The following MAZ variants were observed in gnomAD, a reference collection of about 807,000 sequenced individuals.
MAZ encodes myc-associated zinc finger protein.
In MAZ, 4 loss-of-function variants were observed where a neutral mutation model predicts 32.7. The observed-to-expected ratio is 0.12, with a 90% CI of 0.06 to 0.28. The LOEUF (loss-of-function observed/expected upper bound fraction) is 0.28. MAZ is among the 10% of genes least tolerant of loss of function. MAZ has a pLI of 1.00. For synonymous variants in MAZ, 510 were observed against 297.6 expected (o/e 1.71, Z -7.35); for missense variants, 763 against 667.2 (o/e 1.14, Z -1.58).
rs373232993 is a variant in MAZ, at chr16:29,808,494, C to G, written c.1108-76C>G. The G allele has an allele frequency of 4.6e-6, 5 of 1,096,574 alleles. No individual in the cohort carries two copies. In the Admixed American group the frequency reaches 6.2e-5, roughly 14 times the overall value. The allele number at this position is 1,096,574 out of a possible 1,614,324, so 67.9% of individuals were successfully genotyped here. On this transcript the variant is annotated intron_variant, in intron 3 of 4. Coordinates refer to ENST00000322945, the MANE Select transcript of MAZ (RefSeq NM_002383.4). ...TCCCCAAGGCTCTGATTCCTTTAAT[C>G]TCTTGCTCCCCCCTCCCCAGCCCAC... is the stretch of plus-strand genomic sequence containing the variant.
chr16:29,810,335 A>G lies in MAZ; in HGVS notation c.*104A>G, dbSNP rs1899868988. On this transcript the variant is annotated 3_prime_UTR_variant, in exon 5 of 5. Transcript: ENST00000322945. ...ACCAACTCCTATTTCCCTACCAACC[A>G]AGGAGCCTCCAGAAGGAAAGGAGGA... 1 of 1,174,010 alleles carries G rather than the reference A, an allele frequency of 8.5e-7. No homozygotes were observed. Among genetic ancestry groups the G allele is most frequent in the East Asian group, 2.5e-5 (1 of 39,294 alleles). The allele number at this position is 1,174,010 out of a possible 1,614,324, so 72.7% of individuals were successfully genotyped here.
rs1424618344 is a variant in MAZ at position 29,808,202 on chromosome 16, C to T, written c.1044-28C>T. 17 of 1,608,400 alleles carry T rather than the reference C, an allele frequency of 1.1e-5. 1 individual carries two copies. The highest frequency in any genetic ancestry group is 1.6e-4 in the Middle Eastern group (1 of 6,068). ...TGGATTTGGGGCGCACCACCTCCGC[C>T]CTAACCCCAACCCCAACGTGTCCCC... On this transcript the variant is annotated intron_variant, in intron 2 of 4. Coordinates refer to ENST00000322945, the MANE Select transcript of MAZ (RefSeq NM_002383.4).
intron 4 of MAZ, 35 bp from the exon 5 acceptor site, chr16:29,810,042 A>G (rs767677100): frequency 2.5e-6 from 4 of 1,584,676 alleles, no homozygotes; most frequent in Non-Finnish European, 3.4e-6. Context: ...TGCCATTCAG[A>G]TCGCGCTGTG....
Position 29,808,285 on chromosome 16 carries a change from A to C in MAZ, c.1099A>C (p.Lys367Gln). The C allele has an allele frequency of 6.2e-7, 1 of 1,613,998 alleles. No homozygotes were observed. The highest frequency in any genetic ancestry group is 8.5e-7 in the Non-Finnish European group (1 of 1,179,946). ...AGTGCACTCAACAGAACGGCCCTTC[A>C]AATGTGAGGTAGGAAGCCCGCCTCC... ...RQVHSTERPF[K>Q]CEKCEAAFAT... The change falls in exon 3 of 5, where the codon AAA becomes CAA. Residue 367 changes from lysine to glutamine, a missense_variant. Physicochemically the swap from Lys to Gln is moderately conservative, Grantham distance 53. Coordinates refer to ENST00000322945, the MANE Select transcript of MAZ (RefSeq NM_002383.4).
Position 29,810,917 on chromosome 16 carries a change from G to A in MAZ, c.*686G>A, listed in dbSNP as rs1188730779. The A allele has an allele frequency of 5.7e-6, 2 of 349,756 alleles. No individual in the cohort carries two copies. Among genetic ancestry groups the A allele is most frequent in the Non-Finnish European group, 1.1e-5 (2 of 177,852 alleles). 21.7% of individuals were successfully genotyped at this position (349,756 alleles called of 1,614,324 possible). A position where few individuals can be genotyped will look rare whatever the true frequency, so the allele number is the denominator to read the frequency against. ...GCAGAGAAGAGATGGAGTCTTAGGGGCCAGGGTGAGCGAGGGGTCCAGGGC... is the reference window on the plus strand; with the variant it reads ...GCAGAGAAGAGATGGAGTCTTAGGGACCAGGGTGAGCGAGGGGTCCAGGGC... On this transcript the variant is annotated 3_prime_UTR_variant, in exon 5 of 5. Transcript: ENST00000322945.
At chr16:29,806,930 G>C (rs1393913882) in intron 1 of MAZ, 37 bp downstream of exon 1, 2 of 1,225,658 alleles carry the variant, frequency 1.6e-6, no homozygotes, top group African/African-American at 1.6e-5. Flanking sequence ...GGGCTGGGGG[G>C]GGACGCCCGC....
Position 29,810,171 on chromosome 16 carries a change from CCT to C in MAZ, c.1378_1379del (p.Ser460GlyfsTer71). 6.2e-7 allele frequency: 1 copy of C among 1,610,436 alleles called. No individual in the cohort carries two copies. The highest frequency in any genetic ancestry group is 8.5e-7 in the Non-Finnish European group (1 of 1,178,638). On this transcript the variant is annotated frameshift_variant, in exon 5 of 5. Transcript: ENST00000322945. LOFTEE classifies it high-confidence loss of function. ...VAAPPTAVGS[L>X]SGAEGVPVSS... ...CAGCCCCTCCCACAGCTGTGGGCTC[CCT>C]CTCGGGGGCGGAGGGGGTGCCTGTG...
At chr16:29,807,980 A>G in intron 2 of MAZ, 152 bp downstream of exon 2, 2 of 1,385,252 alleles carry the variant, frequency 1.4e-6, no homozygotes, top group Non-Finnish European at 9.6e-7. Flanking sequence ...TCTCCCGGTT[A>G]CCAGGGAGCA....
rs1899499845 is a variant in MAZ, at chr16:29,806,890, C to T, written c.189C>T (p.Phe63=). 1.4e-6 allele frequency: 2 copies of T among 1,394,100 alleles called. No homozygotes were observed. Among genetic ancestry groups the T allele is most frequent in the Non-Finnish European group, 1.9e-6 (2 of 1,063,474 alleles). The allele number at this position is 1,394,100 out of a possible 1,614,324, so 86.4% of individuals were successfully genotyped here. ...CCCAGGGCTGCGCCCAGAGTCCATT[C>T]CAGGTGAGTAGGGCCGGCCGCGGCG... ...FASQGCAQSP[F]QAAPAPPPTP... The change falls in exon 1 of 5, where the codon TTC becomes TTT. Residue 63 remains phenylalanine, a synonymous_variant. Transcript: ENST00000322945.
chr16:29,808,554 C>T lies in MAZ; in HGVS notation c.1108-16C>T, dbSNP rs767435990. On this transcript the variant is annotated splice_polypyrimidine_tract_variant and intron_variant, in intron 3 of 4. Transcript: ENST00000322945. The stretch of plus-strand genomic sequence containing the variant: ...ACTCTCCTGTGACACCCCCCACGCC[C>T]CTCCCCCCTCCTCAGAAATGTGAGG... 17 of 1,597,512 alleles carry T rather than the reference C, an allele frequency of 1.1e-5. No homozygotes were observed. The highest frequency in any genetic ancestry group is 3.3e-4 in the Middle Eastern group (2 of 6,036).
chr16:29,811,132 A>G lies in MAZ; in HGVS notation c.*901A>G, dbSNP rs1899946592. 3 of 435,388 alleles carry G rather than the reference A, an allele frequency of 6.9e-6. No individual in the cohort carries two copies. Among genetic ancestry groups the G allele is most frequent in the East Asian group, 7.3e-5 (1 of 13,676 alleles). 27.0% of individuals were successfully genotyped at this position (435,388 alleles called of 1,614,324 possible). On this transcript the variant is annotated 3_prime_UTR_variant, in exon 5 of 5. Coordinates refer to ENST00000322945, the MANE Select transcript of MAZ (RefSeq NM_002383.4). The stretch of plus-strand genomic sequence containing the variant: ...CCCTCCACCCCTTCCTTTTGCGCGG[A>G]CCCCATTACAATAAATTTTAAATAA...
At chr16:29,809,107 A>G (rs540927807) in intron 4 of MAZ, 2 of 516,162 alleles carry the variant, frequency 3.9e-6, no homozygotes, top group Admixed American at 7.4e-5. Flanking sequence ...GGTGGAGTAC[A>G]CGGGCCGGGC....
rs548080331 is a variant in MAZ at position 29,807,491 on chromosome 16, C to T, written c.706C>T (p.Leu236=). ...KMPTMVPLSL[L]SVPQLSGAGG... ...GCCGACCATGGTGCCCCTGAGCCTC[C>T]TGAGCGTGCCCCAGCTGAGCGGAGC... The change falls in exon 2 of 5, where the codon CTG becomes TTG. Residue 236 remains leucine, a synonymous_variant. Transcript: ENST00000322945. 19 of 1,612,086 alleles carry T rather than the reference C, an allele frequency of 1.2e-5. No homozygotes were observed. In the African/African-American group the frequency reaches 1.7e-4, roughly 15 times the overall value.
Position 29,806,822 on chromosome 16 carries a change from C to A in MAZ, c.121C>A (p.Pro41Thr), listed in dbSNP as rs752936281. The A allele has an allele frequency of 1.2e-5, 18 of 1,448,084 alleles. No homozygotes were observed. In the South Asian group the frequency reaches 2.0e-4, roughly 16 times the overall value. The allele number at this position is 1,448,084 out of a possible 1,614,324, so 89.7% of individuals were successfully genotyped here. A position where few individuals can be genotyped will look rare whatever the true frequency, so the allele number is the denominator to read the frequency against. The change falls in exon 1 of 5, where the codon CCC (proline) becomes ACC (threonine). Residue 41 changes from proline (P) to threonine (T), a missense_variant. By Grantham distance (38) the Pro-to-Thr change is conservative. Transcript: ENST00000322945. Reference sequence around the variant, plus strand: ...GCCACCTCAGGGTCACGCCCAGAACCCCCTGCAGGTCGGGGCTGAGCTCCA... The same window carrying A: ...GCCACCTCAGGGTCACGCCCAGAACACCCTGCAGGTCGGGGCTGAGCTCCA... ...FPPPQGHAQN[P>T]LQVGAELQSR...
Position 29,807,525 on chromosome 16 carries a change from G to A in MAZ, c.740G>A (p.Gly247Glu). 1.2e-6 allele frequency: 2 copies of A among 1,609,238 alleles called. No homozygotes were observed. The highest frequency in any genetic ancestry group is 1.7e-6 in the Non-Finnish European group (2 of 1,178,008). Residue 247 changes from glycine (G) to glutamate (E), a missense_variant, in exon 2 of 5, where the codon GGA (glycine) becomes GAA (glutamate). Gly to Glu is a moderately conservative substitution (Grantham distance 98, BLOSUM62 -2). Coordinates refer to ENST00000322945, the MANE Select transcript of MAZ (RefSeq NM_002383.4). Reference protein sequence around the residue: ...SVPQLSGAGGGGGEAGAGGGA... With the variant: ...SVPQLSGAGGEGGEAGAGGGA... Reference sequence around the variant, plus strand: ...CCCCAGCTGAGCGGAGCCGGCGGGGGAGGGGGAGAGGCGGGTGCCGGCGGC... The same window carrying A: ...CCCCAGCTGAGCGGAGCCGGCGGGGAAGGGGGAGAGGCGGGTGCCGGCGGC...
intron 4 of MAZ, chr16:29,809,209 G>A: frequency 3.9e-6 from 2 of 507,062 alleles, no homozygotes; most frequent in Non-Finnish European, 7.0e-6. Context: ...GGCACTGGAG[G>A]GAAGGGGACA....
At chr16:29,808,208 C>T (rs1401921821) in intron 2 of MAZ, 22 bp from the exon 3 acceptor site, 2 of 1,611,464 alleles carry the variant, frequency 1.2e-6, no homozygotes, top group Admixed American at 1.7e-5. Context: ...CCGCCCTAAC[C>T]CCAACCCCAA....
rs1176592807 is a variant in MAZ at position 29,806,994 on chromosome 16, C to T, written c.209C>T (p.Pro70Leu). The change falls in exon 2 of 5, where the codon CCG (proline) becomes CTG (leucine). Residue 70 changes from proline to leucine, a missense_variant. Physicochemically the swap from Pro to Leu is moderately conservative, Grantham distance 98. Transcript: ENST00000322945. ...QSPFQAAPAP[P>L]PTPQAPAAEP... ...TCTCCGCAGGCCGCGCCGGCGCCCC[C>T]GCCCACGCCCCAGGCCCCGGCGGCC... 2.0e-6 allele frequency: 2 copies of T among 1,014,980 alleles called. No individual in the cohort carries two copies. The highest frequency in any genetic ancestry group is 2.3e-6 in the Non-Finnish European group (2 of 853,248). The allele number at this position is 1,014,980 out of a possible 1,614,324, so 62.9% of individuals were successfully genotyped here.
chr16:29,810,780 C>G lies in MAZ; in HGVS notation c.*549C>G, dbSNP rs554657364. The G allele has an allele frequency of 1.4e-5, 5 of 361,348 alleles. No homozygotes were observed. The highest frequency in any genetic ancestry group is 1.1e-4 in the South Asian group (5 of 43,952). 22.4% of individuals were successfully genotyped at this position (361,348 alleles called of 1,614,324 possible). On this transcript the variant is annotated 3_prime_UTR_variant, in exon 5 of 5. Transcript: ENST00000322945. ...GAAGCAGGGCCGGCAAAGGTTGTAC[C>G]TTCATAAGGTGGTATGGGGGGTTGG...
Sources: allele counts gnomAD v4.1 joint callset, GRCh38; gene constraint gnomAD v4.1.1; transcripts MANE v1.5; gene names NCBI Gene and HGNC (gene_info 2026-07-23, HGNC 2026-07-21).